RFTN2: variants seen among roughly 807,000 people sequenced by gnomAD.
The protein encoded by RFTN2 is raftlin family member 2.
RFTN2 carries 34 observed loss-of-function variants against 52.7 expected under a neutral mutation model. The ratio of observed to expected loss-of-function variants is 0.64; its 90% CI spans 0.49 to 0.86. The LOEUF is 0.86. RFTN2 is among the 40% of genes least tolerant of loss of function. The pLI, the probability that RFTN2 is intolerant of heterozygous loss-of-function variation, is 0.00. For synonymous variants in RFTN2, 203 were observed against 217.7 expected, an observed-to-expected ratio of 0.93 and a Z score of 0.59; for missense variants, 536 against 600.1, an observed-to-expected ratio of 0.89 and a Z score of 1.12.
intron 8 of RFTN2, among the ~76,000 whole-genome samples, chr2:197,587,255 A>C (rs981359203): frequency 3.3e-5 from 5 of 152,050 alleles, no homozygotes; most frequent in African/African-American, 2.4e-5. Flanking sequence ...AGCCCTGAGA[A>C]ACATCGCCCA....
intron 1 of RFTN2, among the ~76,000 whole-genome samples, chr2:197,655,561 C>T (rs867331784): frequency 3.3e-5 from 5 of 152,178 alleles, no homozygotes; most frequent in African/African-American, 1.2e-4. Context: ...CTTGGTGGCT[C>T]ACGCCTGTAA....
At chr2:197,656,811 G>T (rs1211904144) in intron 1 of RFTN2, among the ~76,000 whole-genome samples, 1 of 152,220 alleles carries the variant, frequency 6.6e-6, no homozygotes, top group Admixed American at 6.5e-5. Context: ...TAAGATCAGT[G>T]GTCTCTAGCT....
chr2:197,673,322 G>A (rs958443282), intron 1 of RFTN2, among the ~76,000 whole-genome samples: 1 of 152,144 alleles, frequency 6.6e-6, no homozygotes, highest in Non-Finnish European at 1.5e-5. Context: ...AGTGGCAGCC[G>A]GAGGTCAGAG....
intron 1 of RFTN2, among the ~76,000 whole-genome samples, chr2:197,673,607 C>T (rs1353973006): frequency 1.3e-5 from 2 of 152,154 alleles, no homozygotes; most frequent in African/African-American, 4.8e-5. Context: ...CAGTGTAATA[C>T]TCTGTTATCT....
At chr2:197,598,305 A>G (rs1216603879) in intron 7 of RFTN2, among the ~76,000 whole-genome samples, 1 of 152,120 alleles carries the variant, frequency 6.6e-6, no homozygotes, top group Non-Finnish European at 1.5e-5. Flanking sequence ...GGGTGACAGA[A>G]AGAGAACCTA....
chr2:197,597,676 A>G (rs1205295184), intron 7 of RFTN2, among the ~76,000 whole-genome samples: 1 of 151,796 alleles, frequency 6.6e-6, no homozygotes, highest in Non-Finnish European at 1.5e-5. Flanking sequence ...GTACCACCAC[A>G]CTGGTCTAAT....
intron 5 of RFTN2, among the ~76,000 whole-genome samples, chr2:197,620,928 T>C (rs1355486586): frequency 6.6e-6 from 1 of 152,210 alleles, no homozygotes; most frequent in Non-Finnish European, 1.5e-5. Context: ...ATCGTGCCAT[T>C]GTACTTCAGC....
Position 197,675,518 on chromosome 2 carries a change from GT to G in RFTN2, c.-61del. Reference sequence around the variant, plus strand: ...GGGAGGGAGAGCAGCAAATTCTGTTGTTTAAGCTGCAAAAAGAAAGTTACAG... The same window carrying G: ...GGGAGGGAGAGCAGCAAATTCTGTTGTTAAGCTGCAAAAAGAAAGTTACAG... On this transcript the variant is annotated 5_prime_UTR_variant, in exon 1 of 9. Coordinates refer to ENST00000295049, the MANE Select transcript of RFTN2 (RefSeq NM_144629.3). The G allele has an allele frequency of 2.0e-6, 2 of 1,021,970 alleles. No individual in the cohort carries two copies. Among genetic ancestry groups the G allele is most frequent in the Non-Finnish European group, 2.4e-6 (2 of 819,226 alleles). 63.3% of individuals were successfully genotyped at this position (1,021,970 alleles called of 1,614,324 possible).
At chr2:197,641,993 C>T (rs1354075772) in intron 3 of RFTN2, among the ~76,000 whole-genome samples, 1 of 152,184 alleles carries the variant, frequency 6.6e-6, no homozygotes, top group Non-Finnish European at 1.5e-5. Context: ...TTAGTAGCTA[C>T]ATTTTTGTTT....
chr2:197,607,214 G>A lies in RFTN2; in HGVS notation c.1154+8662C>T, dbSNP rs537134685. Among the ~76,000 whole-genome samples the A allele has an allele frequency of 2.8e-4, 43 of 152,208 alleles. No homozygotes were observed. In the East Asian group the frequency reaches 6.2e-3, roughly 22 times the overall value. ...ATGAAACTGGAAATCATCATTCTTA[G>A]CAAACTATTGCAAGGACAAAAAACC... is the stretch of plus-strand genomic sequence containing the variant. On this transcript the variant is annotated intron_variant, in intron 7 of 8. Transcript: ENST00000295049.
intron 7 of RFTN2, among the ~76,000 whole-genome samples, chr2:197,606,358 G>T (rs752729670): frequency 6.6e-6 from 1 of 152,174 alleles, no homozygotes; most frequent in Non-Finnish European, 1.5e-5. Context: ...GAACATTCTT[G>T]TTAAAATAAA....
intron 3 of RFTN2, among the ~76,000 whole-genome samples, chr2:197,639,587 C>T (rs2088626265): frequency 8.2e-6 from 1 of 122,582 alleles, no homozygotes. Flanking sequence ...GTTTTCAGCT[C>T]CATCAGCTCC....
rs545125951 is a variant in RFTN2, at chr2:197,627,888, C to G, written c.928+3123G>C. Among the ~76,000 whole-genome samples, 11 of 136,578 alleles carry G rather than the reference C, an allele frequency of 8.1e-5. No homozygotes were observed. The South Asian group carries it at 1.4e-3, about 17-fold the overall frequency. The allele number at this position is 136,578 out of a possible 152,430, so 89.6% of individuals were successfully genotyped here. ...CATCTGTCCCCCGCCCCCCCGCCCC[C>G]CCGTGTTTCTGGAAGGAGGTATTTT... On this transcript the variant is annotated intron_variant, in intron 5 of 8. Transcript: ENST00000295049.
At position 197,571,277 on chromosome 2, in the gene RFTN2, G is replaced by T. The variant is rs952261672; in HGVS notation, c.*731C>A. On this transcript the variant is annotated 3_prime_UTR_variant, in exon 9 of 9. Transcript: ENST00000295049. ...AAATTAAATCTTACTCTCTACTAAG[G>T]TATTTATGTATTGAGATTATGGGTT... 6.6e-6 allele frequency: 1 copy of T among 152,092 alleles called. No homozygotes were observed. 9.4% of individuals were successfully genotyped at this position (152,092 alleles called of 1,614,324 possible). A position where few individuals can be genotyped will look rare whatever the true frequency, so the allele number is the denominator to read the frequency against.
At chr2:197,579,727 T>C (rs2087474591) in intron 8 of RFTN2, among the ~76,000 whole-genome samples, 1 of 152,052 alleles carries the variant, frequency 6.6e-6, no homozygotes, top group African/African-American at 2.4e-5. Flanking sequence ...TCAATCTTTC[T>C]CTTCTACCGA....
chr2:197,617,251 GT>G (rs369883337), intron 6 of RFTN2, among the ~76,000 whole-genome samples: 1 of 152,154 alleles, frequency 6.6e-6, no homozygotes, highest in Non-Finnish European at 1.5e-5. Context: ...GCCAGGCGAT[GT>G]TTTTTGGCTT....
At position 197,571,823 on chromosome 2, in the gene RFTN2, A is replaced by G. The variant is rs2087322783; in HGVS notation, c.*185T>C. The stretch of plus-strand genomic sequence containing the variant: ...GAAGTGTAAACATGATTCTAAATGT[A>G]TAAATATGTTGGTTATTCTTCCTTG... On this transcript the variant is annotated 3_prime_UTR_variant, in exon 9 of 9. Transcript: ENST00000295049. 6.6e-6 allele frequency: 4 copies of G among 602,940 alleles called. No homozygotes were observed. Among genetic ancestry groups the G allele is most frequent in the Middle Eastern group, 3.4e-4 (1 of 2,980 alleles). The allele number at this position is 602,940 out of a possible 1,614,324, so 37.3% of individuals were successfully genotyped here. A position where few individuals can be genotyped will look rare whatever the true frequency, so the allele number is the denominator to read the frequency against.
chr2:197,621,458 T>A (rs1322095768), intron 5 of RFTN2, among the ~76,000 whole-genome samples: 1 of 151,118 alleles, frequency 6.6e-6, no homozygotes, highest in East Asian at 2.0e-4. Flanking sequence ...TGAACAAGTC[T>A]ATTAGTGCCA....
chr2:197,632,525 T>C lies in RFTN2; in HGVS notation c.718+1193A>G, dbSNP rs191511560. ...TAAGGCCTCTCCAGCCATGCTGGAC[T>C]GTGAGTCAATTAAATCTCTTTCCTT... On this transcript the variant is annotated intron_variant, in intron 4 of 8. Transcript: ENST00000295049. Among the ~76,000 whole-genome samples, 8 of 152,354 alleles carry C rather than the reference T, an allele frequency of 5.3e-5. No homozygotes were observed. In the East Asian group the frequency reaches 1.4e-3, roughly 26 times the overall value.
Sources: allele counts gnomAD v4.1 joint callset (sites outside exome capture counted in the v4.1 genomes callset), GRCh38; gene constraint gnomAD v4.1.1; transcripts MANE v1.5; gene names NCBI Gene and HGNC (gene_info 2026-07-23, HGNC 2026-07-21).